The following SEMA5B variants were observed in gnomAD, a reference collection of about 807,000 sequenced individuals.
The protein encoded by SEMA5B is semaphorin-5B.
Under a neutral mutation model 135.0 loss-of-function variants are expected in SEMA5B, and 66 were observed. The observed-to-expected ratio is 0.49, with a 90% CI of 0.40 to 0.60. SEMA5B has a LOEUF of 0.60. SEMA5B is among the 20% of genes least tolerant of loss of function. SEMA5B has a pLI of 0.00. For missense variants in SEMA5B, 1,501 were observed against 1,566.3 expected (o/e 0.96, Z 0.70); for synonymous variants, 690 against 639.5 (o/e 1.08, Z -1.19).
chr3:123,020,660 A>G (rs576415264), intron 1 of SEMA5B, among the ~76,000 whole-genome samples: 1 of 152,376 alleles, frequency 6.6e-6, no homozygotes, highest in South Asian at 2.1e-4. Context: ...AGTGGCTCTC[A>G]ACCATGGCTG....
At chr3:122,929,965 A>G (rs1938875876) in intron 5 of SEMA5B, among the ~76,000 whole-genome samples, 1 of 152,218 alleles carries the variant, frequency 6.6e-6, no homozygotes, top group Non-Finnish European at 1.5e-5. Flanking sequence ...GGCAATGTCA[A>G]CAGCCCTGGC....
intron 12 of SEMA5B, 47 bp downstream of exon 12, chr3:122,921,868 G>C (rs1271872506): frequency 6.8e-7 from 1 of 1,470,640 alleles, no homozygotes; most frequent in Non-Finnish European, 9.0e-7. Context: ...CCTCTTAAGC[G>C]CCTCCTCCGC....
intron 1 of SEMA5B, among the ~76,000 whole-genome samples, chr3:123,001,237 TCA>T (rs977142073): frequency 2.6e-4 from 39 of 152,236 alleles, no homozygotes; most frequent in Admixed American, 2.0e-3. Flanking sequence ...CCACCCTCTC[TCA>T]TACAGTGGGT....
At chr3:122,993,377 C>T (rs933906588) in intron 1 of SEMA5B, 6 of 152,254 alleles carry the variant, frequency 3.9e-5, no homozygotes, top group Admixed American at 6.5e-5. Context: ...CTCCCTCTCC[C>T]GTGTTTCCTC....
intron 1 of SEMA5B, among the ~76,000 whole-genome samples, chr3:122,962,007 A>C (rs899367155): frequency 3.5e-4 from 54 of 152,310 alleles, no homozygotes; most frequent in African/African-American, 1.3e-3. Flanking sequence ...CCCGTGGACC[A>C]CAGCTGGGCA....
Position 122,913,335 on chromosome 3 carries a change from G to C in SEMA5B, c.2370C>G (p.Gly790=), listed in dbSNP as rs769028093. Reference sequence around the variant, plus strand: ...GGAACCGCTGCTCCTGCCGTGCCCCGCCCTGCGTCACGTTCACGGGCAGCC... The same window carrying C: ...GGAACCGCTGCTCCTGCCGTGCCCCCCCCTGCGTCACGTTCACGGGCAGCC... The part of the protein sequence containing the change: ...TPWLPVNVTQ[G]GARQEQRFRF... The change falls in exon 17 of 23, where the codon GGC becomes GGG. Residue 790 remains glycine (G), a synonymous_variant. Transcript: ENST00000357599. 1.9e-6 allele frequency: 3 copies of C among 1,578,600 alleles called. No individual in the cohort carries two copies. In the South Asian group the frequency reaches 3.4e-5, roughly 18 times the overall value.
chr3:122,966,809 C>T (rs915520932), intron 1 of SEMA5B, among the ~76,000 whole-genome samples: 14 of 150,188 alleles, frequency 9.3e-5, no homozygotes, highest in African/African-American at 2.9e-4. Context: ...CTGCCCGCCT[C>T]GGCCTCCCAA....
intron 1 of SEMA5B, among the ~76,000 whole-genome samples, chr3:122,974,533 T>A (rs1040932764): frequency 2.0e-5 from 3 of 152,082 alleles, no homozygotes; most frequent in African/African-American, 7.2e-5. Context: ...GGTATATGGG[T>A]TGGGGAGAGT....
rs748822049 is a variant in SEMA5B at position 122,948,639 on chromosome 3, C to G, written c.195G>C (p.Leu65=). ...EGPIMVLAGP[L]AVSLLLPSLT... is the part of the protein sequence containing the mutation. ...GGCTGGGCAGCAACAGCGAGACAGC[C>G]AGGGGGCCTGCAAGCACCATGATAG... Residue 65 remains leucine (L), a synonymous_variant, in exon 3 of 23, where the codon CTG becomes CTC. Transcript: ENST00000357599. 1.9e-5 allele frequency: 31 copies of G among 1,613,860 alleles called. No homozygotes were observed. Among genetic ancestry groups the G allele is most frequent in the East Asian group, 4.5e-5 (2 of 44,878 alleles).
At chr3:123,020,748 G>A (rs932771535) in intron 1 of SEMA5B, among the ~76,000 whole-genome samples, 5 of 152,202 alleles carry the variant, frequency 3.3e-5, no homozygotes, top group Admixed American at 2.0e-4. Flanking sequence ...TCTAGGATAG[G>A]GCTGGTCAAG....
chr3:122,957,171 T>C (rs1940361077), intron 2 of SEMA5B, among the ~76,000 whole-genome samples: 1 of 152,190 alleles, frequency 6.6e-6, no homozygotes, highest in Non-Finnish European at 1.5e-5. Flanking sequence ...GTGGATAGTT[T>C]GGGACAGTAG....
intron 12 of SEMA5B, among the ~76,000 whole-genome samples, chr3:122,921,154 C>A (rs1488272962): frequency 6.6e-6 from 1 of 152,218 alleles, no homozygotes; most frequent in South Asian, 2.1e-4. Flanking sequence ...CCAGGACTCT[C>A]GGTTGCAAAG....
chr3:122,930,539 T>C (rs1012676370), intron 5 of SEMA5B, among the ~76,000 whole-genome samples: 1 of 152,160 alleles, frequency 6.6e-6, no homozygotes, highest in Non-Finnish European at 1.5e-5. Flanking sequence ...CCACAAACAT[T>C]GCAGTTGTGC....
intron 1 of SEMA5B, among the ~76,000 whole-genome samples, chr3:122,962,404 G>A (rs539138424): frequency 1.3e-5 from 2 of 152,310 alleles, no homozygotes; most frequent in Non-Finnish European, 2.9e-5. Context: ...ATGCAGGCCC[G>A]GCGGGTGGTG....
chr3:122,986,397 A>G (rs970564109), intron 1 of SEMA5B, among the ~76,000 whole-genome samples: 2 of 152,242 alleles, frequency 1.3e-5, no homozygotes, highest in Admixed American at 6.5e-5. Context: ...AAGAGACATG[A>G]GATCTTCTGA....
chr3:122,913,308 G>A lies in SEMA5B; in HGVS notation c.2397C>T (p.Arg799=), dbSNP rs1937861689. The A allele has an allele frequency of 1.9e-6, 3 of 1,574,958 alleles. No individual in the cohort carries two copies. The highest frequency in any genetic ancestry group is 1.3e-5 in the African/African-American group (1 of 74,374). The change falls in exon 17 of 23, where the codon CGC becomes CGT. Residue 799 remains arginine (R), a synonymous_variant. Transcript: ENST00000357599. ...QGGARQEQRF[R]FTCRAPLADP... The stretch of plus-strand genomic sequence containing the variant: ...CTGCAAGGGGCGCGCGGCAGGTGAA[G>A]CGGAACCGCTGCTCCTGCCGTGCCC...
intron 3 of SEMA5B, among the ~76,000 whole-genome samples, chr3:122,947,044 C>T (rs1272064608): frequency 6.6e-6 from 1 of 152,030 alleles, no homozygotes; most frequent in Admixed American, 6.5e-5. Flanking sequence ...GTCCCTGCCC[C>T]CAGACTCAGC....
At chr3:122,943,016 G>T (rs11719594) in intron 4 of SEMA5B, among the ~76,000 whole-genome samples, 101,252 of 152,084 alleles carry the variant, frequency 0.67, 36,360 homozygotes, top group Non-Finnish European at 0.81. Flanking sequence ...TTCGGGAAAG[G>T]TTCTACCCCT....
In SEMA5B at chr3:122,928,692, G is replaced by A. The variant is rs758538778; in HGVS notation, c.538-77C>T. On this transcript the variant is annotated intron_variant, in intron 6 of 22. Transcript: ENST00000357599. ...GGATATCTCACGCTCACACCACTGC[G>A]TCATGGATGCCAACAAGTATTCTAA... is the stretch of plus-strand genomic sequence containing the variant. 169 of 1,068,982 alleles carry A rather than the reference G, an allele frequency of 1.6e-4. 1 individual carries two copies. The highest frequency in any genetic ancestry group is 4.1e-4 in the Middle Eastern group (2 of 4,896). The allele number at this position is 1,068,982 out of a possible 1,614,324, so 66.2% of individuals were successfully genotyped here.
Sources: gnomAD v4.1 joint callset for allele counts (sites outside exome capture counted in the v4.1 genomes callset) on GRCh38, gnomAD v4.1.1 for gene constraint, MANE v1.5 for transcripts, NCBI Gene and HGNC (gene_info 2026-07-23, HGNC 2026-07-21) for gene names.